Variants in CDH10 observed in about 807,000 individuals in gnomAD.
The protein encoded by CDH10 is cadherin 10.
A neutral mutation model predicts 73.1 loss-of-function variants in CDH10; 30 were observed. The ratio of observed to expected loss-of-function variants is 0.41; its 90% CI spans 0.31 to 0.56. The LOEUF (loss-of-function observed/expected upper bound fraction) is 0.56, where lower values mean the gene tolerates loss of function less well. Ranked by LOEUF, CDH10 falls within the 20% of genes least tolerant of loss-of-function variation. CDH10 has a pLI of 0.27. For synonymous variants in CDH10, 345 were observed against 348.2 expected (o/e 0.99, Z 0.10); for missense variants, 815 against 973.7 (o/e 0.84, Z 2.17).
chr5:24,569,628 T>A (rs12055282), intron 2 of CDH10, among the ~76,000 whole-genome samples: 17,621 of 152,220 alleles, frequency 0.12, 1,238 homozygotes, highest in Admixed American at 0.18. Flanking sequence ...TACTGCATAC[T>A]TTTTCTTCAA....
intron 5 of CDH10, among the ~76,000 whole-genome samples, chr5:24,518,536 A>T (rs935695462): frequency 4.6e-4 from 70 of 152,236 alleles, no homozygotes; most frequent in African/African-American, 1.6e-3. Flanking sequence ...TTACCAAGCT[A>T]ATAAATCTTT....
chr5:24,522,965 G>A (rs1413397502), intron 5 of CDH10, among the ~76,000 whole-genome samples: 1 of 152,052 alleles, frequency 6.6e-6, no homozygotes, highest in Admixed American at 6.6e-5. Context: ...GTGCTCGTAG[G>A]ACAGAAAGCC....
chr5:24,569,596 C>A (rs1745294947), intron 2 of CDH10, among the ~76,000 whole-genome samples: 2 of 152,016 alleles, frequency 1.3e-5, no homozygotes, highest in South Asian at 4.1e-4. Flanking sequence ...CCAAAATAAT[C>A]TGTAAAAATT....
chr5:24,503,299 C>A (rs575538648), intron 8 of CDH10, among the ~76,000 whole-genome samples: 1 of 152,186 alleles, frequency 6.6e-6, no homozygotes, highest in East Asian at 1.9e-4. Context: ...CGATTCTGTC[C>A]CTAATTAATG....
intron 1 of CDH10, among the ~76,000 whole-genome samples, chr5:24,630,677 G>A (rs6869681): frequency 1 from 151,681 of 151,750 alleles, 75,806 homozygotes; most frequent in Middle Eastern, 1. Flanking sequence ...GAGAGAGATT[G>A]AAATAATAAT....
chr5:24,612,517 T>C (rs898655263), intron 1 of CDH10: 4 of 152,180 alleles, frequency 2.6e-5, no homozygotes, highest in Non-Finnish European at 4.4e-5. Flanking sequence ...AAAAATAGTT[T>C]ACTCAGTGTC....
At chr5:24,641,002 A>G (rs1469340533) in intron 1 of CDH10, among the ~76,000 whole-genome samples, 1 of 152,034 alleles carries the variant, frequency 6.6e-6, no homozygotes, top group Non-Finnish European at 1.5e-5. Context: ...CATCATTGTT[A>G]ATATTTCATT....
At chr5:24,562,879 C>G (rs13153286) in intron 2 of CDH10, among the ~76,000 whole-genome samples, 56,292 of 152,000 alleles carry the variant, frequency 0.37, 12,430 homozygotes, top group East Asian at 0.58. Flanking sequence ...GTATAAATAA[C>G]TTATTTTTTC....
At chr5:24,560,173 T>G (rs1744905106) in intron 2 of CDH10, among the ~76,000 whole-genome samples, 1 of 151,518 alleles carries the variant, frequency 6.6e-6, no homozygotes, top group Non-Finnish European at 1.5e-5. Context: ...AATAAGATGA[T>G]AATGTTTCAT....
chr5:24,594,505 C>T (rs374495826), intron 1 of CDH10, among the ~76,000 whole-genome samples: 71 of 151,948 alleles, frequency 4.7e-4, no homozygotes, highest in African/African-American at 1.6e-3. Flanking sequence ...TCCAATAATA[C>T]TGCACTCAAT....
chr5:24,625,227 A>G (rs1283897975), intron 1 of CDH10, among the ~76,000 whole-genome samples: 2 of 151,838 alleles, frequency 1.3e-5, no homozygotes, highest in African/African-American at 2.4e-5. Context: ...AATTGGCCCA[A>G]TATACTGTTA....
At chr5:24,585,983 A>G (rs1056662525) in intron 2 of CDH10, among the ~76,000 whole-genome samples, 1 of 152,180 alleles carries the variant, frequency 6.6e-6, no homozygotes, top group African/African-American at 2.4e-5. Context: ...AAGAAAATTG[A>G]AAAAGCTCAG....
intron 2 of CDH10, among the ~76,000 whole-genome samples, chr5:24,581,418 T>C (rs1745793399): frequency 1.3e-5 from 2 of 152,220 alleles, no homozygotes; most frequent in Admixed American, 1.3e-4. Context: ...CTATTCCCAA[T>C]ATTCCTTATC....
intron 2 of CDH10, among the ~76,000 whole-genome samples, chr5:24,584,765 G>A (rs1354240193): frequency 6.6e-6 from 1 of 151,704 alleles, no homozygotes; most frequent in Non-Finnish European, 1.5e-5. Flanking sequence ...TACCGTGCCC[G>A]ACCTCACATC....
chr5:24,585,795 T>TG (rs1304852241), intron 2 of CDH10, among the ~76,000 whole-genome samples: 1 of 151,140 alleles, frequency 6.6e-6, no homozygotes, highest in Non-Finnish European at 1.5e-5. Context: ...CCTAGATTTT[T>TG]GTTTTTTTCT....
At chr5:24,562,760 T>G (rs1198064122) in intron 2 of CDH10, among the ~76,000 whole-genome samples, 1 of 152,142 alleles carries the variant, frequency 6.6e-6, no homozygotes, top group African/African-American at 2.4e-5. Flanking sequence ...ACCACTGGGA[T>G]TAGTAAATAG....
chr5:24,536,906 T>C (rs1743975481), intron 3 of CDH10, among the ~76,000 whole-genome samples: 1 of 151,928 alleles, frequency 6.6e-6, no homozygotes, highest in Non-Finnish European at 1.5e-5. Context: ...TTTTATGATG[T>C]TTAATAAAAA....
At chr5:24,599,231 T>C (rs1024334890) in intron 1 of CDH10, among the ~76,000 whole-genome samples, 2 of 152,168 alleles carry the variant, frequency 1.3e-5, no homozygotes, top group African/African-American at 4.8e-5. Flanking sequence ...AAGAATGCTC[T>C]GAGGGTTACT....
At chr5:24,590,383 C>T (rs1265610376) in intron 2 of CDH10, among the ~76,000 whole-genome samples, 6 of 150,790 alleles carry the variant, frequency 4.0e-5, no homozygotes, top group Admixed American at 1.3e-4. Flanking sequence ...TATTTAGTAT[C>T]TATATATAGT....
Sources: gnomAD v4.1 joint callset for allele counts (sites outside exome capture counted in the v4.1 genomes callset) on GRCh38, gnomAD v4.1.1 for gene constraint, MANE v1.5 for transcripts, NCBI Gene and HGNC (gene_info 2026-07-23, HGNC 2026-07-21) for gene names.